Variants in PLA2G12A observed in about 807,000 individuals in gnomAD.
PLA2G12A encodes group XIIA secretory phospholipase A2.
PLA2G12A carries 11 observed loss-of-function variants against 16.0 expected under a neutral mutation model. The observed-to-expected ratio is 0.69, with a 90% confidence interval of 0.43 to 1.13. The LOEUF is 1.13. PLA2G12A is among the 50% of genes most tolerant of loss of function. The pLI is 0.00. For synonymous variants in PLA2G12A, 77 were observed against 93.8 expected (o/e 0.82, Z 1.03); for missense variants, 214 against 237.3 (o/e 0.90, Z 0.65).
chr4:109,726,280 T>C (rs1476989613), intron 1 of PLA2G12A, among the ~76,000 whole-genome samples: 1 of 152,354 alleles, frequency 6.6e-6, no homozygotes, highest in East Asian at 1.9e-4. Context: ...TGTGTTATTA[T>C]TTTTCCTAAT....
At chr4:109,721,396 A>G (rs1579125199) in intron 1 of PLA2G12A, among the ~76,000 whole-genome samples, 2 of 148,074 alleles carry the variant, frequency 1.4e-5, no homozygotes, top group African/African-American at 5.0e-5. Context: ...ATCTTGGCTC[A>G]TCGCAACCTC....
At chr4:109,723,235 C>T (rs917685649) in intron 1 of PLA2G12A, among the ~76,000 whole-genome samples, 40 of 151,624 alleles carry the variant, frequency 2.6e-4, no homozygotes, top group African/African-American at 9.7e-4. Context: ...ATCATCAGTT[C>T]TTTCTAAAAT....
At chr4:109,729,533 C>T (rs1212263303) in intron 1 of PLA2G12A, 69 bp downstream of exon 1, 2 of 1,508,042 alleles carry the variant, frequency 1.3e-6, no homozygotes, top group Non-Finnish European at 1.8e-6. Context: ...GTCACTCACA[C>T]CTCCAGGATC....
Position 109,729,777 on chromosome 4 carries a change from G to C in PLA2G12A, c.33C>G (p.Leu11=). The C allele has an allele frequency of 6.4e-7, 1 of 1,563,318 alleles. No individual in the cohort carries two copies. Among genetic ancestry groups the C allele is most frequent in the South Asian group, 1.2e-5 (1 of 85,592 alleles). The change falls in exon 1 of 4, where the codon CTC becomes CTG. Residue 11 remains leucine, a synonymous_variant. Transcript: ENST00000243501. ...CAACAGCGGCCATGAGGAGGAGCAG[G>C]AGGGTGAGCGCGGGGCGCGAGAGCA... is the stretch of plus-strand genomic sequence containing the variant. MALLSRPALT[L]LLLLMAAVVR... is the part of the protein sequence containing the mutation.
chr4:109,722,553 G>C (rs1485155338), intron 1 of PLA2G12A, among the ~76,000 whole-genome samples: 19 of 152,220 alleles, frequency 1.2e-4, no homozygotes, highest in Admixed American at 1.2e-3. Context: ...TGCCATCTAT[G>C]AACAAGGAAG....
In PLA2G12A at chr4:109,714,294, C is replaced by A. The variant is rs930831779; in HGVS notation, c.*83G>T. The A allele has an allele frequency of 3.3e-6, 3 of 912,444 alleles. No homozygotes were observed. Among genetic ancestry groups the A allele is most frequent in the Middle Eastern group, 6.5e-4 (2 of 3,082 alleles). 56.5% of individuals were successfully genotyped at this position (912,444 alleles called of 1,614,324 possible). ...AAATAATCCTTTCACAAAAATAAGA[C>A]AGTTTTATGTTGTAAAAACATTAGT... On this transcript the variant is annotated 3_prime_UTR_variant, in exon 4 of 4. Coordinates refer to ENST00000243501, the MANE Select transcript of PLA2G12A (RefSeq NM_030821.5).
intron 1 of PLA2G12A, among the ~76,000 whole-genome samples, chr4:109,724,431 T>C (rs1001511511): frequency 1.3e-5 from 2 of 152,116 alleles, no homozygotes; most frequent in African/African-American, 2.4e-5. Context: ...CTTTTTTTTT[T>C]AATCAGAAAG....
chr4:109,726,134 T>G (rs1383543270), intron 1 of PLA2G12A, among the ~76,000 whole-genome samples: 1 of 152,164 alleles, frequency 6.6e-6, no homozygotes, highest in Non-Finnish European at 1.5e-5. Flanking sequence ...AGGGCTATGC[T>G]ATATGCTCTT....
chr4:109,716,279 C>G (rs1730826347), intron 3 of PLA2G12A, among the ~76,000 whole-genome samples: 1 of 152,176 alleles, frequency 6.6e-6, no homozygotes, highest in African/African-American at 2.4e-5. Flanking sequence ...TTGGAGAATA[C>G]TGTATAATAG....
Position 109,712,592 on chromosome 4 carries a change from G to A in PLA2G12A, c.*1785C>T, listed in dbSNP as rs1561269212. On this transcript the variant is annotated 3_prime_UTR_variant, in exon 4 of 4. Transcript: ENST00000243501. Reference sequence around the variant, plus strand: ...GCTCACTGCAACCTCCACCTCCTGGGTTCAAGTGATTCTCGTACCTCAGCT... The same window carrying A: ...GCTCACTGCAACCTCCACCTCCTGGATTCAAGTGATTCTCGTACCTCAGCT... 2.0e-5 allele frequency: 3 copies of A among 152,124 alleles called. No individual in the cohort carries two copies. Among genetic ancestry groups the A allele is most frequent in the Admixed American group, 6.6e-5 (1 of 15,262 alleles). The allele number at this position is 152,124 out of a possible 1,614,324, so 9.4% of individuals were successfully genotyped here.
chr4:109,721,508 GACGGGGCTTC>G (rs1291297022), intron 1 of PLA2G12A, among the ~76,000 whole-genome samples: 3 of 152,044 alleles, frequency 2.0e-5, no homozygotes, highest in African/African-American at 7.2e-5. Flanking sequence ...TTTTAGTAGA[GACGGGGCTTC>G]ACCAGGTTGG....
At chr4:109,723,674 C>T (rs571993412) in intron 1 of PLA2G12A, among the ~76,000 whole-genome samples, 1 of 152,304 alleles carries the variant, frequency 6.6e-6, no homozygotes, top group South Asian at 2.1e-4. Context: ...AACTCTCTTT[C>T]GTCAGGGGTT....
rs1445346336 is a variant in PLA2G12A, at chr4:109,711,840, A to ACCATC, written c.*2532_*2536dup. 1 of 152,200 alleles carries ACCATC rather than the reference A, an allele frequency of 6.6e-6. No homozygotes were observed. Among genetic ancestry groups the ACCATC allele is most frequent in the Non-Finnish European group, 1.5e-5 (1 of 68,040 alleles). 9.4% of individuals were successfully genotyped at this position (152,200 alleles called of 1,614,324 possible). On this transcript the variant is annotated 3_prime_UTR_variant, in exon 4 of 4. Transcript: ENST00000243501. The stretch of plus-strand genomic sequence containing the variant: ...TTAACCAAGTGTCCAAAGTTAATAC[A>ACCATC]CCATCAAGCTGATAGCATGTAACTC...
At position 109,724,418 on chromosome 4, in the gene PLA2G12A, G is replaced by A. The variant is rs75834957; in HGVS notation, c.208+5184C>T. On this transcript the variant is annotated intron_variant, in intron 1 of 3. Coordinates refer to ENST00000243501, the MANE Select transcript of PLA2G12A (RefSeq NM_030821.5). ...ATTACAAGCGTGAGCCATCGCGCCCGGCCTTTTTTTTTTAATCAGAAAGAT... is the reference window on the plus strand; with the variant it reads ...ATTACAAGCGTGAGCCATCGCGCCCAGCCTTTTTTTTTTAATCAGAAAGAT... 9.9e-5 allele frequency among the ~76,000 whole-genome samples: 15 copies of A among 151,980 alleles called. No individual in the cohort carries two copies. In the East Asian group the frequency reaches 1.5e-3, roughly 16 times the overall value.
At chr4:109,720,820 G>C (rs1379744778) in intron 1 of PLA2G12A, among the ~76,000 whole-genome samples, 1 of 151,842 alleles carries the variant, frequency 6.6e-6, no homozygotes, top group African/African-American at 2.4e-5. Flanking sequence ...TGTAATCCCA[G>C]CACTTTGGGA....
chr4:109,719,588 A>G (rs915845890), intron 1 of PLA2G12A, among the ~76,000 whole-genome samples: 4 of 152,210 alleles, frequency 2.6e-5, no homozygotes, highest in African/African-American at 9.7e-5. Flanking sequence ...ACCTCATTTA[A>G]TACAGGTTTA....
chr4:109,719,283 C>A (rs1380851556), intron 1 of PLA2G12A, among the ~76,000 whole-genome samples: 2 of 152,170 alleles, frequency 1.3e-5, no homozygotes, highest in Non-Finnish European at 2.9e-5. Context: ...ATCTGATGAT[C>A]ATTCAATAAC....
At chr4:109,714,731 ATT>A (rs369832658) in intron 3 of PLA2G12A, among the ~76,000 whole-genome samples, 30 of 130,130 alleles carry the variant, frequency 2.3e-4, no homozygotes, top group Non-Finnish European at 3.3e-4. Context: ...GTTTAACCCA[ATT>A]TTTTTTTTTT....
At chr4:109,723,578 C>T (rs1308797234) in intron 1 of PLA2G12A, among the ~76,000 whole-genome samples, 1 of 152,202 alleles carries the variant, frequency 6.6e-6, no homozygotes, top group African/African-American at 2.4e-5. Flanking sequence ...TGCCCTAACA[C>T]ACTATAAATC....
Sources: gnomAD v4.1 joint callset for allele counts (sites outside exome capture counted in the v4.1 genomes callset) on GRCh38, gnomAD v4.1.1 for gene constraint, MANE v1.5 for transcripts, NCBI Gene and HGNC (gene_info 2026-07-23, HGNC 2026-07-21) for gene names.